The following FER variants were observed in gnomAD, a reference collection of about 807,000 sequenced individuals.
FER encodes tyrosine-protein kinase Fer.
A neutral mutation model predicts 111.0 loss-of-function variants in FER; 63 were observed. That is an observed-to-expected ratio of 0.57 (90% confidence interval 0.46 to 0.70). The LOEUF (loss-of-function observed/expected upper bound fraction) is 0.70, where lower values mean the gene tolerates loss of function less well. Ranked by LOEUF, FER falls within the 30% of genes least tolerant of loss-of-function variation. The probability of loss-of-function intolerance (pLI) is 0.00; values close to 1 mark genes in which losing one functional copy is unlikely to be tolerated. For missense variants in FER, 914 were observed against 954.0 expected, an observed-to-expected ratio of 0.96 and a Z score of 0.55; for synonymous variants, 327 against 313.9, an observed-to-expected ratio of 1.04 and a Z score of -0.44.
At position 109,091,552 on chromosome 5, in the gene FER, A is replaced by G. The variant is rs1038634675; in HGVS notation, c.1925-8844A>G. Among the ~76,000 whole-genome samples the G allele has an allele frequency of 4.6e-5, 7 of 152,282 alleles. No individual in the cohort carries two copies. The South Asian group carries it at 1.0e-3, about 23-fold the overall frequency. On this transcript the variant is annotated intron_variant, in intron 16 of 19. Transcript: ENST00000281092. ...CCGACTAGAGCAATGCCTAGCAGTC[A>G]GGGGCTCAGTGCTACTCCTAAAACC... is the stretch of plus-strand genomic sequence containing the variant.
intron 13 of FER, among the ~76,000 whole-genome samples, chr5:109,023,406 A>T (rs1425475801): frequency 2.0e-5 from 3 of 152,074 alleles, no homozygotes; most frequent in Non-Finnish European, 4.4e-5. Flanking sequence ...TCAAGTGGAG[A>T]TTTCAAGTAG....
At chr5:109,158,902 A>T (rs1248234732) in intron 17 of FER, among the ~76,000 whole-genome samples, 1 of 152,336 alleles carries the variant, frequency 6.6e-6, no homozygotes, top group East Asian at 1.9e-4. Flanking sequence ...TAGTATGTTC[A>T]TGAATACCAA....
intron 1 of FER, among the ~76,000 whole-genome samples, chr5:108,757,553 TA>T (rs1451203019): frequency 6.6e-6 from 1 of 151,836 alleles, no homozygotes; most frequent in Non-Finnish European, 1.5e-5. Flanking sequence ...GCCTTAGAGG[TA>T]AAAAAAAGTT....
chr5:109,070,521 A>G (rs1008049408), intron 16 of FER, among the ~76,000 whole-genome samples: 29 of 152,142 alleles, frequency 1.9e-4, no homozygotes, highest in African/African-American at 6.5e-4. Context: ...ATAACATAAC[A>G]GTAGCTCCAT....
At chr5:108,828,620 TA>T (rs1759719185) in intron 3 of FER, among the ~76,000 whole-genome samples, 1 of 152,232 alleles carries the variant, frequency 6.6e-6, no homozygotes, top group Non-Finnish European at 1.5e-5. Context: ...TAAACTTTTC[TA>T]AAATTAAAAT....
At chr5:108,754,000 G>A (rs1254992629) in intron 1 of FER, among the ~76,000 whole-genome samples, 2 of 152,174 alleles carry the variant, frequency 1.3e-5, no homozygotes, top group East Asian at 3.8e-4. Flanking sequence ...TAGCATGCGA[G>A]CTCTAATTCA....
At chr5:109,074,396 G>A (rs77261740) in intron 16 of FER, among the ~76,000 whole-genome samples, 2 of 152,170 alleles carry the variant, frequency 1.3e-5, no homozygotes, top group African/African-American at 4.8e-5. Flanking sequence ...TATCATGCAG[G>A]ATTGCTAGAG....
In FER at chr5:109,187,748, A is replaced by G. The variant is rs1055270798; in HGVS notation, c.*173A>G. ...TCCACTTGTAAAAAGTCAAAGGCAAATTTGTTAAAGAAATAGGCAGTCCTA... is the reference window on the plus strand; with the variant it reads ...TCCACTTGTAAAAAGTCAAAGGCAAGTTTGTTAAAGAAATAGGCAGTCCTA... On this transcript the variant is annotated 3_prime_UTR_variant, in exon 20 of 20. Transcript: ENST00000281092. 15 of 802,282 alleles carry G rather than the reference A, an allele frequency of 1.9e-5. No individual in the cohort carries two copies. The highest frequency in any genetic ancestry group is 2.5e-5 in the Non-Finnish European group (13 of 522,632). 49.7% of individuals were successfully genotyped at this position (802,282 alleles called of 1,614,324 possible).
rs562435021 is a variant in FER at position 108,918,079 on chromosome 5, A to T, written c.1236+20231A>T. On this transcript the variant is annotated intron_variant, in intron 10 of 19. Transcript: ENST00000281092. ...GGATATCAAGACTATAGTTCATAGG[A>T]TGTATGTATAGTTACTACCCTAGAG... 3.3e-5 allele frequency among the ~76,000 whole-genome samples: 5 copies of T among 152,332 alleles called. No individual in the cohort carries two copies. In the South Asian group the frequency reaches 1.0e-3, roughly 32 times the overall value.
chr5:109,158,295 C>T (rs1387449358), intron 17 of FER, among the ~76,000 whole-genome samples: 2 of 151,740 alleles, frequency 1.3e-5, no homozygotes, highest in Non-Finnish European at 1.5e-5. Context: ...AAGTCGGGGT[C>T]GGGGCAGTTG....
chr5:109,039,698 C>T (rs548990133), intron 14 of FER, among the ~76,000 whole-genome samples: 31 of 152,158 alleles, frequency 2.0e-4, no homozygotes, highest in African/African-American at 7.2e-4. Flanking sequence ...GCAAAGGAAG[C>T]ATTTTCATTG....
chr5:109,082,322 T>G (rs1356264064), intron 16 of FER, among the ~76,000 whole-genome samples: 7 of 151,970 alleles, frequency 4.6e-5, no homozygotes, highest in Non-Finnish European at 1.0e-4. Context: ...GGAAGATCTG[T>G]TCCTCACTGT....
intron 17 of FER, among the ~76,000 whole-genome samples, chr5:109,107,004 G>T (rs898779671): frequency 6.6e-6 from 1 of 152,150 alleles, no homozygotes; most frequent in African/African-American, 2.4e-5. Flanking sequence ...GGACTTAAGG[G>T]CAGTCCATTG....
chr5:108,773,314 T>C (rs1753128652), intron 2 of FER, among the ~76,000 whole-genome samples: 2 of 152,028 alleles, frequency 1.3e-5, no homozygotes, highest in Admixed American at 1.3e-4. Flanking sequence ...CATCATCCAT[T>C]AGCTATTCTT....
chr5:109,053,817 A>G (rs1773229512), intron 16 of FER, among the ~76,000 whole-genome samples: 1 of 150,430 alleles, frequency 6.6e-6, no homozygotes, highest in Non-Finnish European at 1.5e-5. Context: ...CAGCCTCCCG[A>G]GTAGCTGGGA....
chr5:109,026,062 C>A (rs1768684414), intron 13 of FER, among the ~76,000 whole-genome samples: 1 of 152,098 alleles, frequency 6.6e-6, no homozygotes, highest in African/African-American at 2.4e-5. Flanking sequence ...AGAAAATATT[C>A]ATATGTGTAC....
At chr5:109,084,146 T>C (rs1777296472) in intron 16 of FER, among the ~76,000 whole-genome samples, 1 of 152,010 alleles carries the variant, frequency 6.6e-6, no homozygotes, top group South Asian at 2.1e-4. Context: ...TCCTGGTCAC[T>C]CCCACCCATT....
chr5:109,042,977 C>G (rs75293346), intron 14 of FER, among the ~76,000 whole-genome samples: 5,127 of 152,128 alleles, frequency 0.034, 151 homozygotes, highest in African/African-American at 0.077. Flanking sequence ...ATTAATTTGG[C>G]AGTGCTGTTG....
At position 108,993,861 on chromosome 5, in the gene FER, CATTTCTCTA is replaced by C. The variant is rs562333151; in HGVS notation, c.1656+34517_1656+34525del. Among the ~76,000 whole-genome samples the C allele has an allele frequency of 5.9e-5, 9 of 152,228 alleles. No homozygotes were observed. The East Asian group carries it at 1.5e-3, about 26-fold the overall frequency. On this transcript the variant is annotated intron_variant, in intron 13 of 19. Transcript: ENST00000281092. ...ATGGTATCTTTGTGGTTTTGATTTG[CATTTCTCTA>C]ATGATCAGTGATGTTGAGCTTTTTT...
Sources: allele counts gnomAD v4.1 joint callset (sites outside exome capture counted in the v4.1 genomes callset), GRCh38; gene constraint gnomAD v4.1.1; transcripts MANE v1.5; gene names NCBI Gene and HGNC (gene_info 2026-07-23, HGNC 2026-07-21).